VSIG4: variants seen among roughly 807,000 people sequenced by gnomAD.
VSIG4 encodes V-set and immunoglobulin domain-containing protein 4.
VSIG4 carries 34 observed loss-of-function variants against 23.4 expected under a neutral mutation model. The ratio of observed to expected loss-of-function variants is 1.45; its 90% confidence interval spans 1.10 to 1.93. VSIG4 has a LOEUF of 1.93. VSIG4 is among the 30% of genes most tolerant of loss of function. The pLI, the probability that VSIG4 is intolerant of heterozygous loss-of-function variation, is 0.00. For missense variants in VSIG4, 433 were observed against 310.8 expected (o/e 1.39, Z -2.96); for synonymous variants, 169 against 120.3 (o/e 1.41, Z -2.65).
At chrX:66,028,249 G>T in intron 3 of VSIG4, 137 bp from the exon 4 acceptor site, 2 of 506,641 alleles carry the variant, frequency 3.9e-6, no homozygotes, top group African/African-American at 2.3e-5. Flanking sequence ...TCATGATGCT[G>T]GTAAGTCCTG....
chrX:66,037,998 A>G (rs7049526), intron 1 of VSIG4, among the ~76,000 whole-genome samples: 2,391 of 109,605 alleles, frequency 0.022, 71 homozygotes, highest in African/African-American at 0.075. Flanking sequence ...CATTTTCCAT[A>G]TCTCTATCCC....
In VSIG4 at chrX:66,022,378, C is replaced by T; in HGVS notation, c.1085G>A (p.Cys362Tyr). The T allele has an allele frequency of 8.3e-7, 1 of 1,212,054 alleles. No individual in the cohort carries two copies. Among genetic ancestry groups the T allele is most frequent in the Non-Finnish European group, 1.1e-6 (1 of 895,554 alleles). ...NLGNNYSDEP[C>Y]IGQEYQIIAQ... ...GATGATCTGGTACTCCTGTCCTATG[C>T]AGGGCTCATCAGAGTAGTTGTTGCC... The change falls in exon 8 of 8, where the codon TGC (cysteine) becomes TAC (tyrosine). Residue 362 changes from cysteine to tyrosine, a missense_variant. Transcript: ENST00000374737.
Position 66,038,481 on chromosome X carries a change from TCACA to T in VSIG4, c.55+1459_55+1462del, listed in dbSNP as rs10555185. Among the ~76,000 whole-genome samples the T allele has an allele frequency of 2.3e-3, 238 of 101,910 alleles. 1 individual carries two copies. Among genetic ancestry groups the T allele is most frequent in the African/African-American group, 6.4e-3 (172 of 26,810 alleles). 88.5% of individuals were successfully genotyped at this position (101,910 alleles called of 115,157 possible). On this transcript the variant is annotated intron_variant, in intron 1 of 7. Coordinates refer to ENST00000374737, the MANE Select transcript of VSIG4 (RefSeq NM_007268.3). ...GACACATGAGTGCTCTCTCTCTCTC[TCACA>T]CACACACACACACACACACACATGA... is the stretch of plus-strand genomic sequence containing the variant.
chrX:66,022,859 T>C lies in VSIG4; in HGVS notation c.944A>G (p.His315Arg), dbSNP rs746166298. 1.3e-5 allele frequency: 16 copies of C among 1,211,137 alleles called. No homozygotes were observed. Among genetic ancestry groups the C allele is most frequent in the Non-Finnish European group, 1.7e-5 (15 of 895,207 alleles). Residue 315 changes from histidine to arginine, a missense_variant, in exon 7 of 8, where the codon CAT (histidine) becomes CGT (arginine). Transcript: ENST00000374737. ...TTCTTACCTGGCTGCTTCGTAGACATGCTCTAGAAAAAAAGGAGGAATCAT... is the reference window on the plus strand; with the variant it reads ...TTCTTACCTGGCTGCTTCGTAGACACGCTCTAGAAAAAAAGGAGGAATCAT... ...MLCRKTSQQEHVYEAARAHAR... is the reference protein window; with the variant it reads ...MLCRKTSQQERVYEAARAHAR...
Position 66,027,502 on chromosome X carries a change from C to T in VSIG4, c.782G>A (p.Trp261Ter), listed in dbSNP as rs754091789. ...LKATSTVKQS[W>*]DWTTDMDGYL... is the part of the protein sequence containing the mutation. ...GCCATCCATGTCAGTGGTCCAGTCC[C>T]AGGACTGCTTCACTGTAGATGTTGC... The change falls in exon 5 of 8, where the codon TGG becomes TAG. Residue 261 changes from tryptophan to a stop codon, truncating the protein, a stop_gained. Transcript: ENST00000374737. LOFTEE classifies it high-confidence loss of function. 5 of 1,201,768 alleles carry T rather than the reference C, an allele frequency of 4.2e-6. No individual in the cohort carries two copies. Among genetic ancestry groups the T allele is most frequent in the East Asian group, 6.0e-5 (2 of 33,574 alleles).
At chrX:66,030,918 G>A (rs1165994392) in intron 3 of VSIG4, among the ~76,000 whole-genome samples, 3 of 111,234 alleles carry the variant, frequency 2.7e-5, no homozygotes, top group Non-Finnish European at 5.7e-5. Context: ...GAACAGTGCA[G>A]AGTGAGGTGG....
chrX:66,026,282 A>C (rs1237996633), intron 5 of VSIG4, among the ~76,000 whole-genome samples: 1 of 111,993 alleles, frequency 8.9e-6, no homozygotes. Flanking sequence ...GGAATCCAGT[A>C]TTTGTGGTCC....
intron 3 of VSIG4, among the ~76,000 whole-genome samples, chrX:66,030,539 G>T (rs1043105944): frequency 2.7e-5 from 3 of 110,569 alleles, no homozygotes; most frequent in Non-Finnish European, 5.7e-5. Flanking sequence ...GTGGAGAGGA[G>T]CAAAGCATAC....
chrX:66,029,913 T>C (rs1172561144), intron 3 of VSIG4, among the ~76,000 whole-genome samples: 1 of 111,506 alleles, frequency 9.0e-6, no homozygotes, highest in Non-Finnish European at 1.9e-5. Flanking sequence ...ATATTATGGT[T>C]GGAGAGTCAT....
rs1364685337 is a variant in VSIG4, at chrX:66,038,325, T to A, written c.55+1619A>T. Among the ~76,000 whole-genome samples the A allele has an allele frequency of 3.6e-5, 4 of 109,725 alleles. No homozygotes were observed. The Admixed American group carries it at 3.9e-4, about 11-fold the overall frequency. Reference sequence around the variant, plus strand: ...TACAGATGGGCTAGGAACAATGAGGTCCAGGGAGAGGGAAGGTATTATTTG... The same window carrying A: ...TACAGATGGGCTAGGAACAATGAGGACCAGGGAGAGGGAAGGTATTATTTG... On this transcript the variant is annotated intron_variant, in intron 1 of 7. Transcript: ENST00000374737.
At chrX:66,034,425 C>G (rs912710294) in intron 1 of VSIG4, among the ~76,000 whole-genome samples, 4 of 111,758 alleles carry the variant, frequency 3.6e-5, no homozygotes, top group Non-Finnish European at 7.5e-5. Context: ...CTCTGGAAGA[C>G]AGGCAAAAGG....
At chrX:66,029,498 T>G (rs1168356010) in intron 3 of VSIG4, among the ~76,000 whole-genome samples, 1 of 111,628 alleles carries the variant, frequency 9.0e-6, no homozygotes, top group Non-Finnish European at 1.9e-5. Flanking sequence ...CTCTTGAATT[T>G]TATAATCTAG....
intron 1 of VSIG4, among the ~76,000 whole-genome samples, chrX:66,037,668 T>C (rs1408335213): frequency 1.1e-5 from 1 of 88,360 alleles, no homozygotes; most frequent in Non-Finnish European, 2.1e-5. Flanking sequence ...GATAATTACT[T>C]ATATATAATA....
intron 6 of VSIG4, 91 bp downstream of exon 6, chrX:66,024,934 C>T: frequency 1.5e-6 from 1 of 681,887 alleles, no homozygotes; most frequent in Non-Finnish European, 2.1e-6. Context: ...CTTGAAGTGC[C>T]TAACACAATG....
chrX:66,028,054 C>G lies in VSIG4; in HGVS notation c.753G>C (p.Leu251Phe). 6 of 1,210,230 alleles carry G rather than the reference C, an allele frequency of 5.0e-6. No homozygotes were observed. Among genetic ancestry groups the G allele is most frequent in the Non-Finnish European group, 5.6e-6 (5 of 894,420 alleles). The change falls in exon 4 of 8, where the codon TTG (leucine) becomes TTC (phenylalanine). Residue 251 changes from leucine (L) to phenylalanine (F), a missense_variant. Leu to Phe is a conservative substitution (Grantham distance 22, BLOSUM62 0). Coordinates refer to ENST00000374737, the MANE Select transcript of VSIG4 (RefSeq NM_007268.3). ...TCAGACTCTAGCAAAACTCACCTTT[C>G]AAGGGGTATGTCATGGTTGTAGGTG... The part of the protein sequence containing the change: ...TEAPTTMTYP[L>F]KATSTVKQSW...
intron 1 of VSIG4, among the ~76,000 whole-genome samples, chrX:66,039,668 T>G (rs1327518752): frequency 8.9e-6 from 1 of 112,132 alleles, no homozygotes; most frequent in Non-Finnish European, 1.9e-5. Flanking sequence ...GGGAACCTTC[T>G]TGATGCCCCT....
At chrX:66,036,459 T>C (rs1489091379) in intron 1 of VSIG4, among the ~76,000 whole-genome samples, 2 of 103,833 alleles carry the variant, frequency 1.9e-5, no homozygotes, top group Non-Finnish European at 3.9e-5. Context: ...TATGATGTAG[T>C]AGGAATAACA....
Position 66,022,257 on chromosome X carries a change from G to T in VSIG4, c.*6C>A. 8.3e-7 allele frequency: 1 copy of T among 1,212,077 alleles called. No individual in the cohort carries two copies. Among genetic ancestry groups the T allele is most frequent in the Non-Finnish European group, 1.1e-6 (1 of 895,534 alleles). Reference sequence around the variant, plus strand: ...TGTCAGCAGATCCTGGCCTAATGGGGCATTTTTAACAGACACTTTTGCCCT... The same window carrying T: ...TGTCAGCAGATCCTGGCCTAATGGGTCATTTTTAACAGACACTTTTGCCCT... On this transcript the variant is annotated 3_prime_UTR_variant, in exon 8 of 8. Coordinates refer to ENST00000374737, the MANE Select transcript of VSIG4 (RefSeq NM_007268.3).
At chrX:66,035,750 T>C (rs1167482770) in intron 1 of VSIG4, among the ~76,000 whole-genome samples, 2 of 112,377 alleles carry the variant, frequency 1.8e-5, no homozygotes, top group African/African-American at 3.2e-5. Context: ...CTTGGTTTAA[T>C]AGGCTATTTC....
Sources: gnomAD v4.1 joint callset for allele counts (sites outside exome capture counted in the v4.1 genomes callset) on GRCh38, gnomAD v4.1.1 for gene constraint, MANE v1.5 for transcripts, NCBI Gene and HGNC (gene_info 2026-07-23, HGNC 2026-07-21) for gene names.